The following IGSF9B variants were observed in gnomAD, a reference collection of about 807,000 sequenced individuals.
The protein encoded by IGSF9B is protein turtle homolog B.
In IGSF9B, 48 loss-of-function variants were observed where a neutral mutation model predicts 143.7. The ratio of observed to expected loss-of-function variants is 0.33; its 90% CI spans 0.26 to 0.42. The LOEUF is 0.42. IGSF9B is among the 20% of genes least tolerant of loss of function. IGSF9B has a pLI of 1.00. For synonymous variants in IGSF9B, 903 were observed against 833.1 expected, an observed-to-expected ratio of 1.08 and a Z score of -1.44; for missense variants, 1,706 against 1,980.0, an observed-to-expected ratio of 0.86 and a Z score of 2.63.
In IGSF9B at chr11:133,902,945, T is replaced by C. The variant is rs1279662290; in HGVS notation, c.*6124A>G. On this transcript the variant is annotated 3_prime_UTR_variant, in exon 20 of 20. Coordinates refer to ENST00000533871, the MANE Select transcript of IGSF9B (RefSeq NM_001277285.4). ...GCACTCGCCCCTCCCATGGCTTATA[T>C]GAAAACCCCACACGTGCATGCCCGC... is the stretch of plus-strand genomic sequence containing the variant. Among the ~76,000 whole-genome samples, 3 of 152,066 alleles carry C rather than the reference T, an allele frequency of 2.0e-5. No individual in the cohort carries two copies. The highest frequency in any genetic ancestry group is 7.2e-5 in the African/African-American group (3 of 41,406).
chr11:133,922,286 C>G, intron 16 of IGSF9B, 64 bp from the exon 17 acceptor site: 1 of 1,421,612 alleles, frequency 7.0e-7, no homozygotes, highest in South Asian at 1.2e-5. Flanking sequence ...GCACGCGCAT[C>G]TGCAGAGGCT....
intron 18 of IGSF9B, among the ~76,000 whole-genome samples, chr11:133,914,904 G>A (rs895482428): frequency 1.3e-5 from 2 of 152,170 alleles, no homozygotes; most frequent in African/African-American, 4.8e-5. Context: ...GCCAACGCCA[G>A]CCCCACCTGG....
intron 7 of IGSF9B, among the ~76,000 whole-genome samples, chr11:133,935,129 C>T (rs565396734): frequency 1.3e-5 from 2 of 152,220 alleles, no homozygotes; most frequent in East Asian, 3.9e-4. Context: ...GCCGCGGACG[C>T]CAGAGGGAGC....
intron 12 of IGSF9B, among the ~76,000 whole-genome samples, chr11:133,927,686 A>T (rs167915): frequency 0.29 from 44,847 of 152,116 alleles, 7,535 homozygotes; most frequent in Non-Finnish European, 0.37. Flanking sequence ...CTATGCATGG[A>T]GAGTAGGAAG....
intron 12 of IGSF9B, among the ~76,000 whole-genome samples, chr11:133,927,699 G>C (rs1174351109): frequency 6.6e-6 from 1 of 152,168 alleles, no homozygotes; most frequent in Non-Finnish European, 1.5e-5. Flanking sequence ...GTAGGAAGAC[G>C]GGCCGAGGGT....
rs570219333 is a variant in IGSF9B, at chr11:133,949,715, G to T, written c.65-3457C>A. On this transcript the variant is annotated intron_variant, in intron 1 of 19. Transcript: ENST00000533871. ...GGTGGGGGCAGATGGAGACTGGAAG[G>T]GGGAGGGGCTGGCTCCTGAAGGGAG... 2.0e-5 allele frequency among the ~76,000 whole-genome samples: 3 copies of T among 152,172 alleles called. No homozygotes were observed. In the East Asian group the frequency reaches 5.8e-4, roughly 30 times the overall value.
At chr11:133,930,903 G>C in intron 11 of IGSF9B, 81 bp downstream of exon 11, 1 of 1,390,074 alleles carries the variant, frequency 7.2e-7, no homozygotes, top group Non-Finnish European at 9.7e-7. Context: ...GCCACCAGGG[G>C]ACGCTCCCAG....
chr11:133,919,194 G>A (rs1373794603), intron 18 of IGSF9B: 4 of 391,520 alleles, frequency 1.0e-5, no homozygotes, highest in Middle Eastern at 7.9e-4. Flanking sequence ...AGGAGAGGCT[G>A]AGGAGGGGGC....
At chr11:133,951,606 C>CA (rs1325745067) in intron 1 of IGSF9B, among the ~76,000 whole-genome samples, 1 of 152,234 alleles carries the variant, frequency 6.6e-6, no homozygotes, top group African/African-American at 2.4e-5. Flanking sequence ...CCAGGAGCCA[C>CA]TGGCAGGAAG....
intron 3 of IGSF9B, among the ~76,000 whole-genome samples, chr11:133,939,418 G>A (rs765549611): frequency 5.5e-4 from 83 of 152,190 alleles, no homozygotes; most frequent in Non-Finnish European, 1.1e-3. Flanking sequence ...TTAGGATGGT[G>A]GCTCCTTAAG....
intron 18 of IGSF9B, among the ~76,000 whole-genome samples, chr11:133,915,168 G>A (rs1019679970): frequency 5.9e-5 from 9 of 152,132 alleles, no homozygotes; most frequent in African/African-American, 1.9e-4. Flanking sequence ...CAGGAAGTCA[G>A]GGGATTACTC....
intron 18 of IGSF9B, 60 bp downstream of exon 18, chr11:133,919,682 G>A (rs1019603028): frequency 3.6e-6 from 4 of 1,108,764 alleles, no homozygotes; most frequent in South Asian, 2.4e-5. Flanking sequence ...AGGGCAGGGC[G>A]AGGCGGGTGG....
rs1940265925 is a variant in IGSF9B at position 133,956,813 on chromosome 11, G to A, written c.-59C>T. ...TCGCAAAGTGCTCCCGCGCCCGCACGCGCCTCGCGCCCGAGCGCCCGCCTC... is the reference window on the plus strand; with the variant it reads ...TCGCAAAGTGCTCCCGCGCCCGCACACGCCTCGCGCCCGAGCGCCCGCCTC... On this transcript the variant is annotated 5_prime_UTR_variant, in exon 1 of 20. Coordinates refer to ENST00000533871, the MANE Select transcript of IGSF9B (RefSeq NM_001277285.4). The A allele has an allele frequency of 8.9e-7, 1 of 1,126,990 alleles. No homozygotes were observed. The highest frequency in any genetic ancestry group is 3.3e-5 in the East Asian group (1 of 30,200). 69.8% of individuals were successfully genotyped at this position (1,126,990 alleles called of 1,614,324 possible). A position where few individuals can be genotyped will look rare whatever the true frequency, so the allele number is the denominator to read the frequency against.
At position 133,919,967 on chromosome 11, in the gene IGSF9B, G is replaced by T; in HGVS notation, c.3758C>A (p.Pro1253Gln). The T allele has an allele frequency of 6.4e-7, 1 of 1,566,820 alleles. No individual in the cohort carries two copies. ...GCTCTGGGAGGGGGAGCCTGTGGAC[G>T]GCGTAGACTTTCGAGAAAAGCTGAC... The part of the protein sequence containing the change: ...AAVSFSRKST[P>Q]STGSPSQSSR... Residue 1253 changes from proline to glutamine, a missense_variant, in exon 18 of 20, where the codon CCG (proline) becomes CAG (glutamine). Transcript: ENST00000533871.
intron 18 of IGSF9B, among the ~76,000 whole-genome samples, chr11:133,916,695 A>G (rs3824992): frequency 0.5 from 76,254 of 152,044 alleles, 20,103 homozygotes; most frequent in Middle Eastern, 0.71. Context: ...CTGGGAAAGG[A>G]GAGGGTCAAT....
At chr11:133,935,456 C>T (rs550614181) in intron 7 of IGSF9B, among the ~76,000 whole-genome samples, 161 bp downstream of exon 7, 5 of 152,222 alleles carry the variant, frequency 3.3e-5, no homozygotes, top group Non-Finnish European at 2.9e-5. Context: ...TCCAGGGCCT[C>T]GGCCTCCTCT....
In IGSF9B at chr11:133,897,189, G is replaced by C. The variant is rs1939033684; in HGVS notation, c.*11880C>G. 6.6e-6 allele frequency: 1 copy of C among 152,078 alleles called. No homozygotes were observed. The highest frequency in any genetic ancestry group is 2.4e-5 in the African/African-American group (1 of 41,402). The allele number at this position is 152,078 out of a possible 1,614,324, so 9.4% of individuals were successfully genotyped here. Reference sequence around the variant, plus strand: ...TGTTTCCAATACACCTCCCTTCCCTGACGGAGAAGGGAAGGAGGCAGAAAA... The same window carrying C: ...TGTTTCCAATACACCTCCCTTCCCTCACGGAGAAGGGAAGGAGGCAGAAAA... On this transcript the variant is annotated 3_prime_UTR_variant, in exon 20 of 20. Coordinates refer to ENST00000533871, the MANE Select transcript of IGSF9B (RefSeq NM_001277285.4).
chr11:133,946,497 A>G (rs1940054926), intron 1 of IGSF9B, among the ~76,000 whole-genome samples: 1 of 151,466 alleles, frequency 6.6e-6, no homozygotes, highest in African/African-American at 2.4e-5. Context: ...AGGGAGAGGA[A>G]AAGAGAGGGA....
Position 133,919,909 on chromosome 11 carries a change from GGC to G in IGSF9B, c.3814_3815del (p.Ala1272HisfsTer69). The G allele has an allele frequency of 6.4e-7, 1 of 1,571,944 alleles. No individual in the cohort carries two copies. On this transcript the variant is annotated frameshift_variant, in exon 18 of 20. Coordinates refer to ENST00000533871, the MANE Select transcript of IGSF9B (RefSeq NM_001277285.4). LOFTEE classifies it high-confidence loss of function. Reference sequence around the variant, plus strand: ...CGGTGGCCAGAGTGGTGAAGCCCATGGCGGGCCGGTAGCTGGGACTCCCACTG... The same window carrying G: ...CGGTGGCCAGAGTGGTGAAGCCCATGGGGCCGGTAGCTGGGACTCCCACTG... ...SRSGSPSYRPAMGFTTLATGY... is the reference protein window; with the variant it reads ...SRSGSPSYRPXMGFTTLATGY...
Sources: allele counts gnomAD v4.1 joint callset (sites outside exome capture counted in the v4.1 genomes callset), GRCh38; gene constraint gnomAD v4.1.1; transcripts MANE v1.5; gene names NCBI Gene and HGNC (gene_info 2026-07-23, HGNC 2026-07-21).